Variants in SCARF2 observed in about 807,000 individuals in gnomAD.
SCARF2 encodes the protein scavenger receptor expressed by endothelial cells 2 protein.
SCARF2 carries 39 observed loss-of-function variants against 73.4 expected under a neutral mutation model. The ratio of observed to expected loss-of-function variants is 0.53; its 90% CI spans 0.41 to 0.69. The LOEUF (loss-of-function observed/expected upper bound fraction) is 0.69. Among genes scored for constraint, SCARF2 ranks in the 30% least tolerant of loss-of-function variants. The probability of loss-of-function intolerance (pLI) is 0.00; values close to 1 mark genes in which losing one functional copy is unlikely to be tolerated. For missense variants in SCARF2, 1,148 were observed against 1,303.5 expected, an observed-to-expected ratio of 0.88 and a Z score of 1.84; for synonymous variants, 605 against 590.0, an observed-to-expected ratio of 1.03 and a Z score of -0.37.
Position 20,437,629 on chromosome 22 carries a change from C to A in SCARF2, c.126G>T (p.Ala42=), listed in dbSNP as rs1189904364. 1 of 1,564,762 alleles carries A rather than the reference C, an allele frequency of 6.4e-7. No homozygotes were observed. Among genetic ancestry groups the A allele is most frequent in the Admixed American group, 1.8e-5 (1 of 55,940 alleles). The part of the protein sequence containing the change: ...LLLWMLPDTV[A]PQELNPRGRN... ...GGCCGCGAGGGTTCAGTTCCTGAGG[C>A]GCCACGGTGTCCGGCAGCATCCAGA... The change falls in exon 1 of 11, where the codon GCG becomes GCT. Residue 42 remains alanine, a synonymous_variant. Coordinates refer to ENST00000622235, the MANE Select transcript of SCARF2 (RefSeq NM_182895.5).
Position 20,425,547 on chromosome 22 carries a change from G to A in SCARF2, c.2429C>T (p.Ala810Val), listed in dbSNP as rs1162695020. The A allele has an allele frequency of 2.2e-6, 3 of 1,341,952 alleles. No individual in the cohort carries two copies. Among genetic ancestry groups the A allele is most frequent in the Non-Finnish European group, 2.9e-6 (3 of 1,050,304 alleles). The allele number at this position is 1,341,952 out of a possible 1,614,324, so 83.1% of individuals were successfully genotyped here. Residue 810 changes from alanine (A) to valine (V), a missense_variant, in exon 11 of 11, where the codon GCC becomes GTC. By Grantham distance (64) the Ala-to-Val change is moderately conservative. Transcript: ENST00000622235. This position sits in a 1 kb window ranked among gnomAD's most constrained non-coding sequence, Gnocchi z 4.6. ...PQKAKRSVPP[A>V]SPARAPPATE... ...CGCTGGGGGCGCGCGGGCGGGCGAG[G>A]CTGGCGGCACGGAGCGCTTGGCTTT...
chr22:20,431,623 T>A, intron 3 of SCARF2, 86 bp from the exon 4 acceptor site: 1 of 1,542,140 alleles, frequency 6.5e-7, no homozygotes, highest in Non-Finnish European at 8.8e-7. Flanking sequence ...CGTCCCGCAC[T>A]CCAGCCGCCA....
intron 6 of SCARF2, 26 bp downstream of exon 6, chr22:20,430,402 AC>A (rs1013579004): frequency 3.8e-6 from 6 of 1,578,842 alleles, no homozygotes; most frequent in African/African-American, 2.7e-5. Flanking sequence ...CAAGCCCCCA[AC>A]CCCCTCCCGG....
chr22:20,433,694 A>G (rs1471228498), intron 1 of SCARF2, among the ~76,000 whole-genome samples: 1 of 152,222 alleles, frequency 6.6e-6, no homozygotes, highest in Non-Finnish European at 1.5e-5. Flanking sequence ...TATTTTCCAC[A>G]ATAAAACTGG....
intron 1 of SCARF2, among the ~76,000 whole-genome samples, chr22:20,433,313 A>G (rs80021763): frequency 1.2e-4 from 18 of 152,340 alleles, no homozygotes; most frequent in African/African-American, 4.1e-4. Flanking sequence ...TCCTAAAGGC[A>G]TGTAACAGCC....
In SCARF2 at chr22:20,437,489, A is replaced by G. The variant is rs1317998729; in HGVS notation, c.173+93T>C. ...GAAGGGGCCCACACTTGGCGTAGGA[A>G]GGTTCCGGTAGCCCCCTCCCAATGC... On this transcript the variant is annotated intron_variant, in intron 1 of 10. Transcript: ENST00000622235. The G allele has an allele frequency of 2.3e-6, 3 of 1,329,110 alleles. No homozygotes were observed. In the African/African-American group the frequency reaches 4.6e-5, roughly 20 times the overall value. The allele number at this position is 1,329,110 out of a possible 1,614,324, so 82.3% of individuals were successfully genotyped here. A position where few individuals can be genotyped will look rare whatever the true frequency, so the allele number is the denominator to read the frequency against.
In SCARF2 at chr22:20,426,115, C is replaced by A. The variant is rs1298114447; in HGVS notation, c.1861G>T (p.Ala621Ser). ...CGTCGGGCCACGCGCGCGTACAGAG[C>A]CCCTCCGGGCCCCTCCACGCTGGAC... The part of the protein sequence containing the change: ...SASSVEGPGG[A>S]LYARVARREA... Residue 621 changes from alanine to serine, a missense_variant, in exon 11 of 11, where the codon GCT becomes TCT. Physicochemically the swap from Ala to Ser is moderately conservative, Grantham distance 99. This residue lies in a region of SCARF2 where 437 missense variants were observed against 433.6 expected (regional missense o/e 1.01). Transcript: ENST00000622235. The A allele has an allele frequency of 6.8e-7, 1 of 1,464,454 alleles. No homozygotes were observed. The highest frequency in any genetic ancestry group is 1.4e-5 in the South Asian group (1 of 72,890). 90.7% of individuals were successfully genotyped at this position (1,464,454 alleles called of 1,614,324 possible). A position where few individuals can be genotyped will look rare whatever the true frequency, so the allele number is the denominator to read the frequency against.
In SCARF2 at chr22:20,425,489, G is replaced by A. The variant is rs1334025663; in HGVS notation, c.2487C>T (p.Thr829=). Residue 829 remains threonine (T), a synonymous_variant, in exon 11 of 11, where the codon ACC becomes ACT. Coordinates refer to ENST00000622235, the MANE Select transcript of SCARF2 (RefSeq NM_182895.5). The surrounding 1 kb of genome is among the most constrained non-coding windows in gnomAD (Gnocchi z 4.6). ...GGGGGGTCTCAGGCGCGGGCAAGTCGGTCGCCGCCTTCTCAGGCCCCGGGG... is the reference window on the plus strand; with the variant it reads ...GGGGGGTCTCAGGCGCGGGCAAGTCAGTCGCCGCCTTCTCAGGCCCCGGGG... ...TETPGPEKAA[T]DLPAPETPRK... is the part of the protein sequence containing the mutation. 1.5e-6 allele frequency: 2 copies of A among 1,366,834 alleles called. No individual in the cohort carries two copies. The highest frequency in any genetic ancestry group is 1.9e-6 in the Non-Finnish European group (2 of 1,059,838). 84.7% of individuals were successfully genotyped at this position (1,366,834 alleles called of 1,614,324 possible).
chr22:20,431,567 G>C, intron 3 of SCARF2, 30 bp from the exon 4 acceptor site: 1 of 1,553,606 alleles, frequency 6.4e-7, no homozygotes. Context: ...GGGGTGGAAG[G>C]CCCCGGTGCT....
Position 20,426,173 on chromosome 22 carries a change from G to T in SCARF2, c.1803C>A (p.Pro601=). 3 of 1,496,810 alleles carry T rather than the reference G, an allele frequency of 2.0e-6. 1 individual carries two copies. In the South Asian group the frequency reaches 3.8e-5, roughly 19 times the overall value. The allele number at this position is 1,496,810 out of a possible 1,614,324, so 92.7% of individuals were successfully genotyped here. A position where few individuals can be genotyped will look rare whatever the true frequency, so the allele number is the denominator to read the frequency against. Residue 601 remains proline (P), a synonymous_variant, in exon 11 of 11, where the codon CCC becomes CCA. Coordinates refer to ENST00000622235, the MANE Select transcript of SCARF2 (RefSeq NM_182895.5). Reference sequence around the variant, plus strand: ...GCTCGCTGTCGGAGGACGCGGGGAGGGGTATCGCCTCCTCGGCGGAGGCTG... The same window carrying T: ...GCTCGCTGTCGGAGGACGCGGGGAGTGGTATCGCCTCCTCGGCGGAGGCTG... The part of the protein sequence containing the change: ...TTPASAEEAI[P]LPASSDSERS...
In SCARF2 at chr22:20,425,692, T is replaced by C. The variant is rs935871099; in HGVS notation, c.2284A>G (p.Ser762Gly). The C allele has an allele frequency of 4.0e-5, 49 of 1,234,114 alleles. No individual in the cohort carries two copies. Among genetic ancestry groups the C allele is most frequent in the Middle Eastern group, 3.1e-4 (1 of 3,226 alleles). The allele number at this position is 1,234,114 out of a possible 1,614,324, so 76.4% of individuals were successfully genotyped here. A position where few individuals can be genotyped will look rare whatever the true frequency, so the allele number is the denominator to read the frequency against. The change falls in exon 11 of 11, where the codon AGC (serine) becomes GGC (glycine). Residue 762 changes from serine to glycine, a missense_variant. Physicochemically the swap from Ser to Gly is moderately conservative, Grantham distance 56 (BLOSUM62 0). Around this residue, in one of 5 missense-constraint regions of SCARF2, gnomAD observed 46 missense variants for 80.6 expected, o/e 0.57. Coordinates refer to ENST00000622235, the MANE Select transcript of SCARF2 (RefSeq NM_182895.5). The surrounding 1 kb of genome is among the most constrained non-coding windows in gnomAD (Gnocchi z 4.6). The part of the protein sequence containing the change: ...EPTDAGGPPR[S>G]APEAASMLAA... ...AACATGGAGGCAGCCTCGGGCGCGCTTCGCGGGGGACCGCCGGCGTCCGTG... is the reference window on the plus strand; with the variant it reads ...AACATGGAGGCAGCCTCGGGCGCGCCTCGCGGGGGACCGCCGGCGTCCGTG...
chr22:20,430,596 C>T, intron 5 of SCARF2, 39 bp from the exon 6 acceptor site: 1 of 1,611,558 alleles, frequency 6.2e-7, no homozygotes, highest in Non-Finnish European at 8.5e-7. Flanking sequence ...GAAATGGAGG[C>T]AAACGGACCA....
intron 1 of SCARF2, among the ~76,000 whole-genome samples, chr22:20,433,262 C>T (rs927800468): frequency 2.0e-5 from 3 of 152,156 alleles, no homozygotes; most frequent in East Asian, 1.9e-4. Flanking sequence ...ACCAAGGCTG[C>T]GGGATCCTAG....
intron 3 of SCARF2, 67 bp downstream of exon 3, chr22:20,431,678 T>G: frequency 9.6e-5 from 60 of 624,620 alleles, no homozygotes; most frequent in Non-Finnish European, 1.3e-4. Context: ...CCGCCCCACC[T>G]TGGACCCCGC....
At chr22:20,434,579 G>T (rs1476807116) in intron 1 of SCARF2, among the ~76,000 whole-genome samples, 3 of 152,212 alleles carry the variant, frequency 2.0e-5, no homozygotes, top group African/African-American at 7.2e-5. Context: ...CCGGGTGGTG[G>T]TGGCAAGCCC....
intron 10 of SCARF2, among the ~76,000 whole-genome samples, 158 bp downstream of exon 10, chr22:20,427,240 C>T (rs2052588867): frequency 6.6e-6 from 1 of 152,222 alleles, no homozygotes; most frequent in Non-Finnish European, 1.5e-5. Flanking sequence ...GAGTCCAGCT[C>T]TATGGCCTCA....
chr22:20,426,164 C>A lies in SCARF2; in HGVS notation c.1812G>T (p.Ala604=). The A allele has an allele frequency of 6.7e-7, 1 of 1,486,792 alleles. No homozygotes were observed. The highest frequency in any genetic ancestry group is 1.4e-5 in the African/African-American group (1 of 70,488). The allele number at this position is 1,486,792 out of a possible 1,614,324, so 92.1% of individuals were successfully genotyped here. Residue 604 remains alanine (A), a synonymous_variant, in exon 11 of 11, where the codon GCG becomes GCT. Coordinates refer to ENST00000622235, the MANE Select transcript of SCARF2 (RefSeq NM_182895.5). ...ASAEEAIPLP[A]SSDSERSASS... ...ACGCCGACCGCTCGCTGTCGGAGGA[C>A]GCGGGGAGGGGTATCGCCTCCTCGG...
In SCARF2 at chr22:20,424,709, C is replaced by A. The variant is rs1186280352; in HGVS notation, c.*666G>T. 1.3e-5 allele frequency: 2 copies of A among 152,382 alleles called. No homozygotes were observed. The highest frequency in any genetic ancestry group is 2.1e-4 in the South Asian group (1 of 4,838). The allele number at this position is 152,382 out of a possible 1,614,324, so 9.4% of individuals were successfully genotyped here. On this transcript the variant is annotated 3_prime_UTR_variant, in exon 11 of 11. Transcript: ENST00000622235. ...CCTATAAATACATCTCCTCAGGCCA[C>A]TAGAGTCGCCCCTGGAGGTCCCGCG...
Position 20,425,825 on chromosome 22 carries a change from G to T in SCARF2, c.2151C>A (p.Arg717=). ...HTVEHGSPRT[R]DPTPRPPGLP... ...GCCCGGGGGGCCGCGGCGTTGGGTC[G>T]CGGGTCCGGGGGCTGCCGTGTTCGA... The change falls in exon 11 of 11, where the codon CGC becomes CGA. Residue 717 remains arginine, a synonymous_variant. Transcript: ENST00000622235. This position sits in a 1 kb window ranked among gnomAD's most constrained non-coding sequence, Gnocchi z 4.6. 6.5e-7 allele frequency: 1 copy of T among 1,549,692 alleles called. No individual in the cohort carries two copies. The highest frequency in any genetic ancestry group is 1.9e-5 in the Admixed American group (1 of 53,640).
Sources: allele counts gnomAD v4.1 joint callset (sites outside exome capture counted in the v4.1 genomes callset), GRCh38; gene constraint gnomAD v4.1.1; regional missense constraint gnomAD v4.1.1; non-coding constraint Gnocchi (gnomAD v3.1); transcripts MANE v1.5; gene names NCBI Gene and HGNC (gene_info 2026-07-23, HGNC 2026-07-21).